DHX37: variants seen among roughly 807,000 people sequenced by gnomAD.
The protein encoded by DHX37 is probable ATP-dependent RNA helicase DHX37.
In DHX37, 52 loss-of-function variants were observed where a neutral mutation model predicts 134.3. That is an observed-to-expected ratio of 0.39 (90% confidence interval 0.31 to 0.49). The LOEUF (loss-of-function observed/expected upper bound fraction) is 0.49, where lower values mean the gene tolerates loss of function less well. Ranked by LOEUF, DHX37 falls within the 20% of genes least tolerant of loss-of-function variation. The pLI is 0.93. For synonymous variants in DHX37, 634 were observed against 670.7 expected (o/e 0.95, Z 0.85); for missense variants, 1,344 against 1,580.8 (o/e 0.85, Z 2.54).
At chr12:124,986,015 G>C (rs1169510413) in intron 2 of DHX37, 81 bp downstream of exon 2, 3 of 1,549,984 alleles carry the variant, frequency 1.9e-6, no homozygotes, top group Non-Finnish European at 1.7e-6. Context: ...GCACCACAGA[G>C]ACACCCTCAG....
chr12:124,960,360 C>T lies in DHX37; in HGVS notation c.2109G>A (p.Arg703=), dbSNP rs754959188. ...EQFPPPEITR[R]PVEDLILQMK... ...TTTGAAGGATTAAGTCTTCAACAGGCCTCCGGGTGATTTCTGGAGGAGGAA... is the reference window on the plus strand; with the variant it reads ...TTTGAAGGATTAAGTCTTCAACAGGTCTCCGGGTGATTTCTGGAGGAGGAA... The change falls in exon 16 of 27, where the codon AGG becomes AGA. Residue 703 remains arginine, a synonymous_variant. Transcript: ENST00000308736. 31 of 1,614,018 alleles carry T rather than the reference C, an allele frequency of 1.9e-5. No individual in the cohort carries two copies. The highest frequency in any genetic ancestry group is 1.6e-4 in the African/African-American group (12 of 74,932).
At chr12:124,959,930 G>A (rs982520188) in intron 16 of DHX37, among the ~76,000 whole-genome samples, 1 of 152,202 alleles carries the variant, frequency 6.6e-6, no homozygotes, top group Non-Finnish European at 1.5e-5. Context: ...GCCTGGCTTA[G>A]CCTGCCCTGG....
At chr12:124,984,706 G>A (rs1733986288) in intron 2 of DHX37, among the ~76,000 whole-genome samples, 3 of 151,998 alleles carry the variant, frequency 2.0e-5, no homozygotes, top group Admixed American at 2.0e-4. Context: ...TAAAAGATTA[G>A]GTGTGCTAAT....
rs113737891 is a variant in DHX37, at chr12:124,971,344, G to A, written c.1149C>T (p.Ile383=). Reference sequence around the variant, plus strand: ...CAATGCGGGACAGGAGGCCGATGAGGATGTCCGTGTACACGCTCCTCTCGT... The same window carrying A: ...CAATGCGGGACAGGAGGCCGATGAGAATGTCCGTGTACACGCTCCTCTCGT... ...EAHERSVYTD[I]LIGLLSRIVT... The change falls in exon 8 of 27, where the codon ATC becomes ATT. Residue 383 remains isoleucine, a synonymous_variant. Coordinates refer to ENST00000308736, the MANE Select transcript of DHX37 (RefSeq NM_032656.4). 124 of 1,613,386 alleles carry A rather than the reference G, an allele frequency of 7.7e-5. 4 individuals carry two copies. The African/African-American group carries it at 1.1e-3, about 15-fold the overall frequency.
chr12:124,988,437 C>A (rs142480525), intron 1 of DHX37, among the ~76,000 whole-genome samples: 225 of 152,280 alleles, frequency 1.5e-3, no homozygotes, highest in African/African-American at 5.2e-3. Context: ...TCCTCCTATA[C>A]AGCAGGTAAA....
chr12:124,984,675 G>A (rs1323177804), intron 2 of DHX37, among the ~76,000 whole-genome samples: 2 of 152,150 alleles, frequency 1.3e-5, no homozygotes, highest in African/African-American at 4.8e-5. Context: ...TTAACCACTT[G>A]CTAGATGTTT....
intron 15 of DHX37, 81 bp downstream of exon 15, chr12:124,964,313 G>GGTAACATACTACAGATGGA (rs1954333131): frequency 1.3e-6 from 2 of 1,586,504 alleles, no homozygotes; most frequent in Non-Finnish European, 1.7e-6. Context: ...ATGGAGGTGG[G>GGTAACATACTACAGATGGA]GGTCAGCATC....
intron 1 of DHX37, among the ~76,000 whole-genome samples, chr12:124,988,152 C>T (rs1954909942): frequency 6.6e-6 from 1 of 151,990 alleles, no homozygotes. Flanking sequence ...CACCACCACG[C>T]CTCCTCTGCT....
In DHX37 at chr12:124,947,735, C is replaced by T. The variant is rs1254968290; in HGVS notation, c.*67G>A. ...CCCATGCCAGGTGGTCACGGTCGCA[C>T]GGTGACAGGCTGCTGCCAGCCCTCC... On this transcript the variant is annotated 3_prime_UTR_variant, in exon 27 of 27. Coordinates refer to ENST00000308736, the MANE Select transcript of DHX37 (RefSeq NM_032656.4). 4.7e-6 allele frequency: 7 copies of T among 1,496,210 alleles called. No individual in the cohort carries two copies. The highest frequency in any genetic ancestry group is 2.8e-5 in the African/African-American group (2 of 71,742). The allele number at this position is 1,496,210 out of a possible 1,614,324, so 92.7% of individuals were successfully genotyped here.
rs1397222319 is a variant in DHX37 at position 124,952,569 on chromosome 12, G to A, written c.2697C>T (p.Val899=). ...RRLRGQLTTA[V]NAVCPEAELF... ...GCTCAGCCTCGGGGCACACGGCATTGACTGAGGGGAGAACCAAGAGTGAGG... is the reference window on the plus strand; with the variant it reads ...GCTCAGCCTCGGGGCACACGGCATTAACTGAGGGGAGAACCAAGAGTGAGG... The change falls in exon 21 of 27, where the codon GTC becomes GTT. Residue 899 remains valine (V), a splice_region_variant and synonymous_variant. Coordinates refer to ENST00000308736, the MANE Select transcript of DHX37 (RefSeq NM_032656.4). 1.3e-6 allele frequency: 2 copies of A among 1,578,784 alleles called. No homozygotes were observed. The highest frequency in any genetic ancestry group is 1.7e-6 in the Non-Finnish European group (2 of 1,157,558).
At chr12:124,957,250 G>T in intron 16 of DHX37, 115 bp from the exon 17 acceptor site, 1 of 981,160 alleles carries the variant, frequency 1.0e-6, no homozygotes, top group Non-Finnish European at 1.4e-6. Context: ...CTCAGCTCAT[G>T]CCAGTGGGGA....
Position 124,954,292 on chromosome 12 carries a change from C to T in DHX37, c.2454-81G>A, listed in dbSNP as rs548994653. ...CAGCGGGGGGAACTCCTTTATTCAT[C>T]GGGACAGGCTCAGAGGCCTTGTGGG... On this transcript the variant is annotated intron_variant, in intron 18 of 26. Coordinates refer to ENST00000308736, the MANE Select transcript of DHX37 (RefSeq NM_032656.4). The T allele has an allele frequency of 2.5e-5, 38 of 1,502,246 alleles. 1 individual carries two copies. The highest frequency in any genetic ancestry group is 1.2e-4 in the South Asian group (9 of 72,076). The allele number at this position is 1,502,246 out of a possible 1,614,324, so 93.1% of individuals were successfully genotyped here. A position where few individuals can be genotyped will look rare whatever the true frequency, so the allele number is the denominator to read the frequency against.
chr12:124,976,434 G>C (rs1449916121), intron 5 of DHX37, among the ~76,000 whole-genome samples: 1 of 152,234 alleles, frequency 6.6e-6, no homozygotes, highest in Non-Finnish European at 1.5e-5. Flanking sequence ...AGCGCAGGCT[G>C]GGCGGGGTGG....
chr12:124,959,665 C>T (rs7968160), intron 16 of DHX37, among the ~76,000 whole-genome samples: 26,673 of 152,196 alleles, frequency 0.18, 6,175 homozygotes, highest in African/African-American at 0.53. Context: ...TCACAAATGG[C>T]GGACAGTGGG....
At chr12:124,974,507 G>A (rs77498405) in intron 6 of DHX37, among the ~76,000 whole-genome samples, 4 of 143,420 alleles carry the variant, frequency 2.8e-5, no homozygotes, top group Middle Eastern at 3.2e-3. Context: ...CCCGGGGGCC[G>A]GTGGCTCTGT....
At chr12:124,983,767 A>G (rs11057950) in intron 2 of DHX37, among the ~76,000 whole-genome samples, 7,513 of 148,162 alleles carry the variant, frequency 0.051, 487 homozygotes, top group East Asian at 0.16. Context: ...CCTGGGCAAC[A>G]GAGCAAGACC....
At chr12:124,953,422 G>A (rs563929825) in intron 20 of DHX37, 42 of 170,950 alleles carry the variant, frequency 2.5e-4, no homozygotes, top group Non-Finnish European at 4.2e-4. Context: ...TCTACGCATC[G>A]TCCTCTTGCC....
rs146522423 is a variant in DHX37, at chr12:124,988,619, T to A, written c.106+298A>T. 5.9e-3 allele frequency among the ~76,000 whole-genome samples: 901 copies of A among 152,190 alleles called. 11 individuals carry two copies. Among genetic ancestry groups the A allele is most frequent in the African/African-American group, 0.021 (862 of 41,532 alleles). On this transcript the variant is annotated intron_variant, in intron 1 of 26. Transcript: ENST00000308736. ...TACACATTTGGGGGTCGCTGGAGAT[T>A]ATAAAGAGATTATAATCGAAGTCAT...
chr12:124,981,872 C>T (rs929725440), intron 3 of DHX37, among the ~76,000 whole-genome samples: 4 of 151,782 alleles, frequency 2.6e-5, no homozygotes, highest in African/African-American at 9.7e-5. Flanking sequence ...GCCTGTAATC[C>T]CAGCACTTTG....
Sources: gnomAD v4.1 joint callset for allele counts (sites outside exome capture counted in the v4.1 genomes callset) on GRCh38, gnomAD v4.1.1 for gene constraint, MANE v1.5 for transcripts, NCBI Gene and HGNC (gene_info 2026-07-23, HGNC 2026-07-21) for gene names.